Variants in ITGA9 observed in about 807,000 individuals in gnomAD.
ITGA9 encodes integrin subunit alpha 9.
Under a neutral mutation model 127.8 loss-of-function variants are expected in ITGA9, and 56 were observed. That is an observed-to-expected ratio of 0.44 (90% CI 0.35 to 0.55). The LOEUF is 0.55. ITGA9 is among the 20% of genes least tolerant of loss of function. The pLI, the probability that ITGA9 is intolerant of heterozygous loss-of-function variation, is 0.00. For synonymous variants in ITGA9, 508 were observed against 514.5 expected (o/e 0.99, Z 0.17); for missense variants, 1,196 against 1,347.1 (o/e 0.89, Z 1.76).
At chr3:37,508,485 C>G (rs1559523230) in intron 7 of ITGA9, 74 bp from the exon 8 acceptor site, 1 of 1,246,284 alleles carries the variant, frequency 8.0e-7, no homozygotes, top group African/African-American at 1.5e-5. Flanking sequence ...AAATAGGACT[C>G]CCAGGAGAGT....
At chr3:37,495,789 T>A (rs1412199433) in intron 5 of ITGA9, among the ~76,000 whole-genome samples, 1 of 152,236 alleles carries the variant, frequency 6.6e-6, no homozygotes, top group African/African-American at 2.4e-5. Context: ...CCCATCACCA[T>A]GGGCTAGGTT....
At chr3:37,481,684 C>T in intron 4 of ITGA9, 77 bp downstream of exon 4, 1 of 1,557,600 alleles carries the variant, frequency 6.4e-7, no homozygotes, top group East Asian at 2.2e-5. Context: ...CTATGCACCA[C>T]CAGCTGAACA....
chr3:37,469,211 GA>G (rs1698402818), intron 1 of ITGA9, among the ~76,000 whole-genome samples: 2 of 152,300 alleles, frequency 1.3e-5, no homozygotes, highest in East Asian at 1.9e-4. Context: ...TCCTGCTGGG[GA>G]TGGCCCACCC....
At chr3:37,474,843 G>A (rs2125555305) in intron 3 of ITGA9, among the ~76,000 whole-genome samples, 1 of 152,328 alleles carries the variant, frequency 6.6e-6, no homozygotes, top group East Asian at 1.9e-4. Context: ...AAGGCACTAG[G>A]CAAAGTGTTT....
chr3:37,743,877 G>A, intron 21 of ITGA9, 49 bp from the exon 22 acceptor site: 1 of 1,233,594 alleles, frequency 8.1e-7, no homozygotes, highest in South Asian at 1.2e-5. Context: ...GTGACCATGG[G>A]TGCTTGACTG....
chr3:37,484,297 G>A (rs1421261769), intron 4 of ITGA9, among the ~76,000 whole-genome samples: 17 of 152,162 alleles, frequency 1.1e-4, no homozygotes, highest in African/African-American at 4.1e-4. Context: ...TAAGAGGAGA[G>A]GGGTAGAAGA....
At chr3:37,630,766 A>G (rs962560646) in intron 16 of ITGA9, among the ~76,000 whole-genome samples, 4 of 152,204 alleles carry the variant, frequency 2.6e-5, no homozygotes, top group African/African-American at 7.2e-5. Context: ...TTCTTTCACA[A>G]CACAAGTGCC....
chr3:37,483,817 G>A (rs1191429703), intron 4 of ITGA9, among the ~76,000 whole-genome samples: 1 of 150,008 alleles, frequency 6.7e-6, no homozygotes, highest in East Asian at 1.9e-4. Context: ...TCCTGTGACA[G>A]GAGTAAGTGG....
intron 15 of ITGA9, among the ~76,000 whole-genome samples, chr3:37,551,292 C>T (rs1484027667): frequency 1.3e-5 from 2 of 152,194 alleles, no homozygotes; most frequent in South Asian, 2.1e-4. Flanking sequence ...CCCCTCTGCA[C>T]TCTGAAGATG....
chr3:37,542,325 T>A lies in ITGA9; in HGVS notation c.1529-100T>A, dbSNP rs939475506. The A allele has an allele frequency of 4.8e-6, 6 of 1,253,860 alleles. No individual in the cohort carries two copies. In the Middle Eastern group the frequency reaches 1.1e-3, roughly 224 times the overall value. 77.7% of individuals were successfully genotyped at this position (1,253,860 alleles called of 1,614,324 possible). A position where few individuals can be genotyped will look rare whatever the true frequency, so the allele number is the denominator to read the frequency against. Reference sequence around the variant, plus strand: ...GTCTCCTGCCATGGAAGGGTAGGTATCATATGAGATGTGCATGTGATCCTG... The same window carrying A: ...GTCTCCTGCCATGGAAGGGTAGGTAACATATGAGATGTGCATGTGATCCTG... On this transcript the variant is annotated intron_variant, in intron 14 of 27. Transcript: ENST00000264741.
Position 37,646,257 on chromosome 3 carries a change from A to G in ITGA9, c.1840-7457A>G, listed in dbSNP as rs59131739. ...ATGGCTGCTTTTGCTCTACAACAGC[A>G]GAGTTGAGTAGTGTGACTGAGACCA... On this transcript the variant is annotated intron_variant, in intron 16 of 27. Coordinates refer to ENST00000264741, the MANE Select transcript of ITGA9 (RefSeq NM_002207.3). 6.5e-3 allele frequency among the ~76,000 whole-genome samples: 996 copies of G among 152,344 alleles called. 13 individuals carry two copies. The highest frequency in any genetic ancestry group is 0.023 in the African/African-American group (937 of 41,580).
chr3:37,788,468 A>G (rs7609597), intron 26 of ITGA9, among the ~76,000 whole-genome samples: 55,303 of 151,896 alleles, frequency 0.36, 10,266 homozygotes, highest in East Asian at 0.46. Flanking sequence ...CTGTTTATAA[A>G]TGTAGTACAT....
chr3:37,560,692 C>T (rs1699478576), intron 15 of ITGA9, among the ~76,000 whole-genome samples: 1 of 152,170 alleles, frequency 6.6e-6, no homozygotes, highest in Admixed American at 6.5e-5. Flanking sequence ...TTGCATTTCT[C>T]TGATGACCGG....
At chr3:37,751,489 G>A (rs2844377) in intron 23 of ITGA9, among the ~76,000 whole-genome samples, 59,179 of 151,994 alleles carry the variant, frequency 0.39, 13,719 homozygotes, top group South Asian at 0.62. Flanking sequence ...AACATCTACA[G>A]TGTTGCAGGA....
At position 37,803,834 on chromosome 3, in the gene ITGA9, G is replaced by A. The variant is rs1697262853; in HGVS notation, c.2901G>A (p.Glu967=). ...GNPEEVTVVF[E]ALHNLEPRGY... is the part of the protein sequence containing the mutation. Reference sequence around the variant, plus strand: ...GCGTTGCCTCCTAGGTGGTCTTCGAGGCCCTGCACAATCTGGAGCCCCGTG... The same window carrying A: ...GCGTTGCCTCCTAGGTGGTCTTCGAAGCCCTGCACAATCTGGAGCCCCGTG... Residue 967 remains glutamate, a synonymous_variant, in exon 27 of 28, where the codon GAG becomes GAA. Transcript: ENST00000264741. 14 of 1,614,146 alleles carry A rather than the reference G, an allele frequency of 8.7e-6. No individual in the cohort carries two copies. The highest frequency in any genetic ancestry group is 1.2e-5 in the Non-Finnish European group (14 of 1,179,998).
chr3:37,458,278 A>G (rs746462687), intron 1 of ITGA9, among the ~76,000 whole-genome samples: 1 of 152,174 alleles, frequency 6.6e-6, no homozygotes, highest in East Asian at 1.9e-4. Context: ...ATGCACATTC[A>G]CTGGGGGCTT....
At chr3:37,703,114 AACAG>A (rs1229699013) in intron 18 of ITGA9, among the ~76,000 whole-genome samples, 1 of 152,224 alleles carries the variant, frequency 6.6e-6, no homozygotes, top group Non-Finnish European at 1.5e-5. Context: ...CCAGACCTAA[AACAG>A]ACAGGTCCCC....
At chr3:37,668,410 C>G (rs570713845) in intron 17 of ITGA9, among the ~76,000 whole-genome samples, 1 of 152,322 alleles carries the variant, frequency 6.6e-6, no homozygotes, top group East Asian at 1.9e-4. Flanking sequence ...AAGCATCTTT[C>G]CAGCAGGCAC....
chr3:37,676,368 A>G (rs1419925329), intron 17 of ITGA9, among the ~76,000 whole-genome samples: 2 of 152,204 alleles, frequency 1.3e-5, no homozygotes, highest in Non-Finnish European at 1.5e-5. Context: ...TAGCAACCAT[A>G]TGGGGCAGCT....
Sources: gnomAD v4.1 joint callset for allele counts (sites outside exome capture counted in the v4.1 genomes callset) on GRCh38, gnomAD v4.1.1 for gene constraint, MANE v1.5 for transcripts, NCBI Gene and HGNC (gene_info 2026-07-23, HGNC 2026-07-21) for gene names.